The following CYTH4 variants were observed in gnomAD, a reference collection of about 807,000 sequenced individuals.
CYTH4 encodes the protein cytohesin-4.
In CYTH4, 22 loss-of-function variants were observed where a neutral mutation model predicts 57.5. The observed-to-expected ratio is 0.38, with a 90% CI of 0.27 to 0.55. The LOEUF (loss-of-function observed/expected upper bound fraction) is 0.55. Ranked by LOEUF, CYTH4 falls within the 20% of genes least tolerant of loss-of-function variation. The pLI is 0.74. For synonymous variants in CYTH4, 186 were observed against 206.5 expected (o/e 0.90, Z 0.85); for missense variants, 420 against 535.6 (o/e 0.78, Z 2.13).
intron 8 of CYTH4, among the ~76,000 whole-genome samples, 173 bp downstream of exon 8, chr22:37,303,575 T>C (rs1219250786): frequency 6.6e-6 from 1 of 152,160 alleles, no homozygotes; most frequent in African/African-American, 2.4e-5. Flanking sequence ...CAAAGCGCAT[T>C]GGTCCTGAAA....
intron 7 of CYTH4, among the ~76,000 whole-genome samples, chr22:37,301,606 T>C (rs1929185723): frequency 2.7e-5 from 4 of 147,828 alleles, no homozygotes; most frequent in Admixed American, 2.1e-4. Context: ...CTAGTTGTCA[T>C]AACAACAATA....
At chr22:37,303,878 C>G (rs900700779) in intron 8 of CYTH4, among the ~76,000 whole-genome samples, 4 of 152,234 alleles carry the variant, frequency 2.6e-5, no homozygotes, top group African/African-American at 9.6e-5. Context: ...AACCTCCGGT[C>G]GCTTCCTCAA....
Position 37,311,650 on chromosome 22 carries a change from C to G in CYTH4, c.957+123C>G. 3.0e-6 allele frequency: 3 copies of G among 1,002,974 alleles called. No individual in the cohort carries two copies. Among genetic ancestry groups the G allele is most frequent in the Non-Finnish European group, 4.6e-6 (3 of 655,616 alleles). 62.1% of individuals were successfully genotyped at this position (1,002,974 alleles called of 1,614,324 possible). ...CCAGGCTGTGCCCCTTACACCTTCC[C>G]TGTGGCTCAGGGCTGCCTTCTCTCC... On this transcript the variant is annotated intron_variant, in intron 11 of 12. Coordinates refer to ENST00000248901, the MANE Select transcript of CYTH4 (RefSeq NM_013385.5). The surrounding 1 kb of genome is among the most constrained non-coding windows in gnomAD (Gnocchi z 4.4).
rs769776485 is a variant in CYTH4 at position 37,294,625 on chromosome 22, CT to C, written c.103-34del. ...ACCCCCGGGGTTCTGGCCTCCACCC[CT>C]GACTCTCCCTGTCCTGCCCCTGCCA... On this transcript the variant is annotated intron_variant, in intron 2 of 12. Transcript: ENST00000248901. The C allele has an allele frequency of 3.3e-5, 54 of 1,612,728 alleles. 1 individual carries two copies. The East Asian group carries it at 1.1e-3, about 32-fold the overall frequency.
At chr22:37,297,321 C>G (rs1929011427) in intron 4 of CYTH4, among the ~76,000 whole-genome samples, 1 of 152,136 alleles carries the variant, frequency 6.6e-6, no homozygotes, top group South Asian at 2.1e-4. Context: ...TGGGGAGTAC[C>G]TGGCATGAAC....
At position 37,314,099 on chromosome 22, in the gene CYTH4, C is replaced by A. The variant is rs1367454924; in HGVS notation, c.*588C>A. On this transcript the variant is annotated 3_prime_UTR_variant, in exon 13 of 13. Coordinates refer to ENST00000248901, the MANE Select transcript of CYTH4 (RefSeq NM_013385.5). ...CACTGCCCTAGGAGCCCGGACCCCA[C>A]GAGCTCAGTCCCAGCTCTGCCTCTG... is the stretch of plus-strand genomic sequence containing the variant. The A allele has an allele frequency of 4.3e-5, 15 of 351,312 alleles. No homozygotes were observed. Among genetic ancestry groups the A allele is most frequent in the Non-Finnish European group, 6.6e-5 (13 of 196,478 alleles). The allele number at this position is 351,312 out of a possible 1,614,324, so 21.8% of individuals were successfully genotyped here. A position where few individuals can be genotyped will look rare whatever the true frequency, so the allele number is the denominator to read the frequency against.
chr22:37,298,323 C>G lies in CYTH4; in HGVS notation c.353+641C>G, dbSNP rs551156166. On this transcript the variant is annotated intron_variant, in intron 5 of 12. Transcript: ENST00000248901. The surrounding 1 kb of genome is among the most constrained non-coding windows in gnomAD (Gnocchi z 4.1). ...CGGAGGTTGTAGTGAGCCAAGATCA[C>G]GCCATTGCACTCCAGCCTGGGCAAC... 6.5e-6 allele frequency: 1 copy of G among 153,870 alleles called. No individual in the cohort carries two copies. The highest frequency in any genetic ancestry group is 1.4e-5 in the Non-Finnish European group (1 of 69,198). The allele number at this position is 153,870 out of a possible 1,614,324, so 9.5% of individuals were successfully genotyped here.
At chr22:37,283,900 C>T (rs568117996) in intron 1 of CYTH4, among the ~76,000 whole-genome samples, 1 of 152,178 alleles carries the variant, frequency 6.6e-6, no homozygotes, top group South Asian at 2.1e-4. Flanking sequence ...GGGCACCCAC[C>T]GAGATGCAAC....
At position 37,298,367 on chromosome 22, in the gene CYTH4, C is replaced by T. The variant is rs115767687; in HGVS notation, c.353+685C>T. ...GGGCAACAGATTGAGAACGAGACTC[C>T]GTCTCAAAAAAAAAAAGAAAAGAAA... On this transcript the variant is annotated intron_variant, in intron 5 of 12. Coordinates refer to ENST00000248901, the MANE Select transcript of CYTH4 (RefSeq NM_013385.5). This position sits in a 1 kb window ranked among gnomAD's most constrained non-coding sequence, Gnocchi z 4.1. 3.7e-3 allele frequency: 576 copies of T among 155,364 alleles called. 4 individuals are homozygous for T. Among genetic ancestry groups the T allele is most frequent in the African/African-American group, 0.013 (534 of 40,650 alleles). The allele number at this position is 155,364 out of a possible 1,614,324, so 9.6% of individuals were successfully genotyped here.
rs942965608 is a variant in CYTH4, at chr22:37,298,739, TCCCCAGCTCCCAAGGACA to T, written c.354-482_354-465del. Among the ~76,000 whole-genome samples the T allele has an allele frequency of 1.3e-5, 2 of 151,916 alleles. No homozygotes were observed. Among genetic ancestry groups the T allele is most frequent in the African/African-American group, 4.8e-5 (2 of 41,328 alleles). ...CTGGACCAGAGAGTCAACAGCCCTC[TCCCCAGCTCCCAAGGACA>T]CCCCTCCCTCCCGCGGTGAGCAGGG... On this transcript the variant is annotated intron_variant, in intron 5 of 12. Transcript: ENST00000248901. The surrounding 1 kb of genome is among the most constrained non-coding windows in gnomAD (Gnocchi z 4.1).
intron 6 of CYTH4, 149 bp from the exon 7 acceptor site, chr22:37,300,758 C>G (rs1206797497): frequency 3.1e-5 from 20 of 654,588 alleles, no homozygotes; most frequent in Non-Finnish European, 5.3e-5. Flanking sequence ...TCCCTGGTGC[C>G]CATCCCACTT....
intron 7 of CYTH4, among the ~76,000 whole-genome samples, chr22:37,302,639 A>C (rs1929223331): frequency 6.6e-6 from 1 of 152,176 alleles, no homozygotes. Flanking sequence ...TCAACCAGAG[A>C]GTTGAAGATG....
At chr22:37,293,714 C>G (rs1928832247) in intron 2 of CYTH4, among the ~76,000 whole-genome samples, 1 of 152,096 alleles carries the variant, frequency 6.6e-6, no homozygotes, top group Non-Finnish European at 1.5e-5. Context: ...AATGGGGGTG[C>G]CGGCCAGAGG....
chr22:37,301,065 A>T (rs1371192727), intron 7 of CYTH4, 46 bp downstream of exon 7: 1 of 1,529,392 alleles, frequency 6.5e-7, no homozygotes, highest in Non-Finnish European at 9.0e-7. Context: ...CCCCTTCAGC[A>T]TTGCCAGGCA....
chr22:37,297,331 C>T (rs1044595779), intron 4 of CYTH4, among the ~76,000 whole-genome samples: 3 of 152,078 alleles, frequency 2.0e-5, no homozygotes, highest in African/African-American at 7.2e-5. Flanking sequence ...CTGGCATGAA[C>T]CTGGTTCATG....
intron 8 of CYTH4, among the ~76,000 whole-genome samples, chr22:37,306,292 C>T (rs574717573): frequency 6.6e-6 from 1 of 152,300 alleles, no homozygotes; most frequent in South Asian, 2.1e-4. Context: ...TAACAGTCTC[C>T]CAGTTCCAGG....
rs533170883 is a variant in CYTH4, at chr22:37,300,304, T to TTTCA, written c.435-590_435-587dup. On this transcript the variant is annotated intron_variant, in intron 6 of 12. Coordinates refer to ENST00000248901, the MANE Select transcript of CYTH4 (RefSeq NM_013385.5). ...ACTTGGGAGTCTCCCATATTCATTC[T>TTTCA]TTCATTCATTCATTCACATATTCAT... is the stretch of plus-strand genomic sequence containing the variant. 6.9e-5 allele frequency: 49 copies of TTTCA among 707,846 alleles called. No homozygotes were observed. The East Asian group carries it at 1.0e-3, about 15-fold the overall frequency. The allele number at this position is 707,846 out of a possible 1,614,324, so 43.8% of individuals were successfully genotyped here.
intron 2 of CYTH4, 59 bp from the exon 3 acceptor site, chr22:37,294,600 AC>A: frequency 6.3e-7 from 1 of 1,598,442 alleles, no homozygotes; most frequent in Non-Finnish European, 8.6e-7. Context: ...GTGGTCTCAA[AC>A]CCCCGGGGTT....
At chr22:37,305,819 G>T (rs1221675657) in intron 8 of CYTH4, among the ~76,000 whole-genome samples, 7 of 152,210 alleles carry the variant, frequency 4.6e-5, no homozygotes, top group Non-Finnish European at 7.3e-5. Flanking sequence ...CCAAAGAGAG[G>T]TCACCTCAAG....
Sources: gnomAD v4.1 joint callset for allele counts (sites outside exome capture counted in the v4.1 genomes callset) on GRCh38, gnomAD v4.1.1 for gene constraint, Gnocchi (gnomAD v3.1) non-coding constraint, MANE v1.5 for transcripts, NCBI Gene and HGNC (gene_info 2026-07-23, HGNC 2026-07-21) for gene names.